SHTN1: variants seen among roughly 807,000 people sequenced by gnomAD.
The protein encoded by SHTN1 is shootin 1.
SHTN1 carries 42 observed loss-of-function variants against 83.1 expected under a neutral mutation model. That is an observed-to-expected ratio of 0.51 (90% CI 0.39 to 0.65). The LOEUF is 0.65. SHTN1 is among the 30% of genes least tolerant of loss of function. SHTN1 has a pLI of 0.00. For synonymous variants in SHTN1, 224 were observed against 247.7 expected (o/e 0.90, Z 0.90); for missense variants, 622 against 737.8 (o/e 0.84, Z 1.82).
chr10:117,103,999 C>A (rs1249905050), intron 1 of SHTN1, among the ~76,000 whole-genome samples: 3 of 152,106 alleles, frequency 2.0e-5, no homozygotes, highest in Non-Finnish European at 2.9e-5. Context: ...TCAATTGCCT[C>A]ATTTCCTTTT....
chr10:117,012,009 G>A (rs898556180), intron 2 of SHTN1, among the ~76,000 whole-genome samples: 3 of 151,658 alleles, frequency 2.0e-5, no homozygotes, highest in East Asian at 1.9e-4. Context: ...GCGTGGTGGC[G>A]GGGCCTGTAG....
chr10:116,939,403 C>T (rs1347626382), intron 9 of SHTN1, among the ~76,000 whole-genome samples: 1 of 152,190 alleles, frequency 6.6e-6, no homozygotes, highest in Non-Finnish European at 1.5e-5. Context: ...CTCGTGGCTT[C>T]CCTTGGCTAG....
chr10:117,005,367 T>G, upstream of SHTN1: 28 of 1,184,856 alleles, frequency 2.4e-5, no homozygotes, highest in Middle Eastern at 3.6e-4. Flanking sequence ...TGCCAGCCTG[T>G]GGCTGCCGGC....
At chr10:116,914,692 C>T (rs1320928001) in intron 13 of SHTN1, among the ~76,000 whole-genome samples, 1 of 152,008 alleles carries the variant, frequency 6.6e-6, no homozygotes, top group African/African-American at 2.4e-5. Context: ...TTTTCAAGAA[C>T]AATGTTTAAA....
chr10:116,913,170 G>A (rs768801896), intron 13 of SHTN1, among the ~76,000 whole-genome samples: 6 of 152,208 alleles, frequency 3.9e-5, no homozygotes, highest in South Asian at 2.1e-4. Context: ...AAGCTGTGAC[G>A]TTCAAACAAA....
intron 13 of SHTN1, among the ~76,000 whole-genome samples, chr10:116,914,469 TAAAA>T (rs75969895): frequency 7.4e-6 from 1 of 135,090 alleles, no homozygotes; most frequent in Non-Finnish European, 1.6e-5. Context: ...AGACTCCATC[TAAAA>T]AAAAAAAAAA....
chr10:117,068,182 C>T (rs541813381), intron 1 of SHTN1, among the ~76,000 whole-genome samples: 4 of 152,024 alleles, frequency 2.6e-5, no homozygotes, highest in East Asian at 3.9e-4. Context: ...ACTTGAGTTC[C>T]GAAATTCGAG....
chr10:116,899,226 T>C (rs879808199), intron 16 of SHTN1, among the ~76,000 whole-genome samples: 1 of 151,872 alleles, frequency 6.6e-6, no homozygotes, highest in Non-Finnish European at 1.5e-5. Flanking sequence ...ATAAATAAAG[T>C]ATATAGTAAG....
intron 2 of SHTN1, among the ~76,000 whole-genome samples, chr10:117,017,415 C>T (rs1178308452): frequency 6.8e-6 from 1 of 146,412 alleles, no homozygotes; most frequent in Non-Finnish European, 1.5e-5. Flanking sequence ...GGCGTGAACC[C>T]GGGAGGCAGA....
In SHTN1 at chr10:116,944,839, C is replaced by T. The variant is rs768905861; in HGVS notation, c.711+85G>A. ...CAGGGAGTCGGAGGTTGCAGTGAGC[C>T]GAGATTGCGCCACTGCACTCCAGCC... On this transcript the variant is annotated intron_variant, in intron 8 of 16. Coordinates refer to ENST00000355371, the MANE Select transcript of SHTN1 (RefSeq NM_001127211.3). 4.7e-5 allele frequency: 39 copies of T among 826,092 alleles called. No homozygotes were observed. In the Middle Eastern group the frequency reaches 9.3e-4, roughly 20 times the overall value. 51.2% of individuals were successfully genotyped at this position (826,092 alleles called of 1,614,324 possible).
chr10:116,949,900 A>G (rs1209158458), intron 6 of SHTN1, among the ~76,000 whole-genome samples: 1 of 152,224 alleles, frequency 6.6e-6, no homozygotes, highest in Non-Finnish European at 1.5e-5. Flanking sequence ...AGCTACATAT[A>G]TCAAGGTAGA....
rs1848212827 is a variant in SHTN1 at position 116,911,827 on chromosome 10, C to A, written c.1322G>T (p.Gly441Val). 1.2e-6 allele frequency: 2 copies of A among 1,612,288 alleles called. No individual in the cohort carries two copies. The highest frequency in any genetic ancestry group is 1.7e-5 in the Admixed American group (1 of 59,980). Residue 441 changes from glycine to valine, a missense_variant, in exon 14 of 17, where the codon GGC becomes GTC. Transcript: ENST00000355371. ...RPKTKPESSK[G>V]CESAVDELKG... ...TAGTTCATCCACTGCACTTTCGCAG[C>A]CTTTCGAAGATTCTGGCTATAATTT...
At chr10:116,935,897 G>A (rs971908038) in intron 9 of SHTN1, among the ~76,000 whole-genome samples, 2 of 152,122 alleles carry the variant, frequency 1.3e-5, no homozygotes, top group African/African-American at 4.8e-5. Flanking sequence ...AGTCTTGGGA[G>A]GGTGTATGTG....
At chr10:116,963,036 T>G (rs1850240663) in intron 3 of SHTN1, among the ~76,000 whole-genome samples, 1 of 2,370 alleles carries the variant, frequency 4.2e-4, no homozygotes, top group African/African-American at 1.2e-3. Flanking sequence ...ATAATAAAAG[T>G]TTTTTTTTTT....
chr10:116,985,559 CT>C (rs1335565834), intron 1 of SHTN1, among the ~76,000 whole-genome samples: 2 of 152,144 alleles, frequency 1.3e-5, no homozygotes, highest in African/African-American at 4.8e-5. Flanking sequence ...AAGAATGGAT[CT>C]AGGTCTTCAC....
At chr10:117,032,656 A>G (rs1852435623) in intron 2 of SHTN1, among the ~76,000 whole-genome samples, 1 of 152,224 alleles carries the variant, frequency 6.6e-6, no homozygotes, top group Admixed American at 6.6e-5. Context: ...CAGAAAACCC[A>G]TAAAGAAACA....
At chr10:116,900,373 C>G in intron 16 of SHTN1, 1 of 636,956 alleles carries the variant, frequency 1.6e-6, no homozygotes, top group Non-Finnish European at 2.7e-6. Context: ...ACAACTGTGT[C>G]TGTCAACACA....
intron 2 of SHTN1, among the ~76,000 whole-genome samples, chr10:116,974,718 CT>C (rs758630898): frequency 1.3e-4 from 20 of 152,194 alleles, no homozygotes; most frequent in South Asian, 1.0e-3. Context: ...GGCAGACATT[CT>C]TCTATTATAC....
At position 117,067,621 on chromosome 10, in the gene SHTN1, T is replaced by A. The variant is rs190873533; in HGVS notation, c.-188-19111A>T. 6.0e-3 allele frequency among the ~76,000 whole-genome samples: 913 copies of A among 151,956 alleles called. 1 individual carries two copies. The highest frequency in any genetic ancestry group is 0.01 in the Admixed American group (155 of 15,246). Reference sequence around the variant, plus strand: ...AAAAAAATTTTTAAATAAAAAAAAATTTTAAAATCAATCAATCAATCAATC... The same window carrying A: ...AAAAAAATTTTTAAATAAAAAAAAAATTTAAAATCAATCAATCAATCAATC... On this transcript the variant is annotated intron_variant, in intron 1 of 17. Coordinates refer to the SHTN1 transcript ENST00000392901.
Sources: allele counts gnomAD v4.1 joint callset (sites outside exome capture counted in the v4.1 genomes callset), GRCh38; gene constraint gnomAD v4.1.1; transcripts MANE v1.5; gene names NCBI Gene and HGNC (gene_info 2026-07-23, HGNC 2026-07-21).